Variants in CACHD1 observed in about 807,000 individuals in gnomAD.
CACHD1 encodes the protein cache domain containing 1, also known as VWFA and cache domain-containing protein 1.
Under a neutral mutation model 138.7 loss-of-function variants are expected in CACHD1, and 71 were observed. The observed-to-expected ratio is 0.51, with a 90% CI of 0.42 to 0.62. The LOEUF (loss-of-function observed/expected upper bound fraction) is 0.62, where lower values mean the gene tolerates loss of function less well. Ranked by LOEUF, CACHD1 falls within the 20% of genes least tolerant of loss-of-function variation. The probability of loss-of-function intolerance (pLI) is 0.00; values close to 1 mark genes in which losing one functional copy is unlikely to be tolerated. For missense variants in CACHD1, 1,389 were observed against 1,625.3 expected (o/e 0.85, Z 2.50); for synonymous variants, 578 against 591.5 (o/e 0.98, Z 0.33).
At chr1:64,484,510 G>T (rs1646230833) in intron 1 of CACHD1, among the ~76,000 whole-genome samples, 3 of 152,110 alleles carry the variant, frequency 2.0e-5, no homozygotes, top group Admixed American at 2.0e-4. Context: ...TCTTTTAGGC[G>T]TGGCCAAAAG....
At chr1:64,516,248 C>T (rs567129503) in intron 1 of CACHD1, among the ~76,000 whole-genome samples, 9 of 152,270 alleles carry the variant, frequency 5.9e-5, no homozygotes, top group African/African-American at 1.7e-4. Flanking sequence ...AATCAATTAT[C>T]GCTATCTCTC....
At position 64,475,171 on chromosome 1, in the gene CACHD1, C is replaced by CTTTTTTT. The variant is rs3078373; in HGVS notation, c.198+4242_198+4248dup. Among the ~76,000 whole-genome samples, 35 of 124,256 alleles carry CTTTTTTT rather than the reference C, an allele frequency of 2.8e-4. 2 individuals are homozygous for CTTTTTTT. Among genetic ancestry groups the CTTTTTTT allele is most frequent in the Admixed American group, 3.8e-4 (4 of 10,498 alleles). The allele number at this position is 124,256 out of a possible 152,430, so 81.5% of individuals were successfully genotyped here. ...AAACAACAATGCACTAAATTCCTTCCTTTTTTTTTTTTTTTTTTTCTTAAG... is the reference window on the plus strand; with the variant it reads ...AAACAACAATGCACTAAATTCCTTCCTTTTTTTTTTTTTTTTTTTTTTTTTTCTTAAG... On this transcript the variant is annotated intron_variant, in intron 1 of 26. Transcript: ENST00000651257.
rs1397276968 is a variant in CACHD1 at position 64,664,635 on chromosome 1, T to G, written c.2232T>G (p.Pro744=). Residue 744 remains proline (P), a synonymous_variant, in exon 15 of 27, where the codon CCT becomes CCG. Coordinates refer to ENST00000651257, the MANE Select transcript of CACHD1 (RefSeq NM_020925.4). The part of the protein sequence containing the change: ...ATPNGVLRIY[P]GSLMDKAFDP... ...CCAATGGCGTCCTCAGAATTTATCC[T>G]GGTTCCCTCATGGACAAAGCATTTG... 1.2e-6 allele frequency: 2 copies of G among 1,614,108 alleles called. No individual in the cohort carries two copies. The highest frequency in any genetic ancestry group is 2.2e-5 in the South Asian group (2 of 91,090).
chr1:64,607,422 G>C (rs1299274546), intron 4 of CACHD1, among the ~76,000 whole-genome samples: 1 of 152,198 alleles, frequency 6.6e-6, no homozygotes, highest in East Asian at 1.9e-4. Context: ...TGGTAGAATA[G>C]TAGCATAGGC....
At chr1:64,691,184 T>C (rs1422070603) in intron 26 of CACHD1, 139 bp from the exon 27 acceptor site, 2 of 714,864 alleles carry the variant, frequency 2.8e-6, no homozygotes, top group Non-Finnish European at 4.9e-6. Context: ...TACTTTAGCA[T>C]CTGCTGACAG....
intron 1 of CACHD1, among the ~76,000 whole-genome samples, chr1:64,549,397 A>G (rs1175992505): frequency 6.6e-6 from 1 of 152,194 alleles, no homozygotes; most frequent in Non-Finnish European, 1.5e-5. Context: ...AATGAGTGAC[A>G]CATTGGAGAA....
rs76955626 is a variant in CACHD1 at position 64,578,503 on chromosome 1, C to A, written c.262-3653C>A. Among the ~76,000 whole-genome samples, 26 of 152,290 alleles carry A rather than the reference C, an allele frequency of 1.7e-4. No individual in the cohort carries two copies. The East Asian group carries it at 5.0e-3, about 29-fold the overall frequency. On this transcript the variant is annotated intron_variant, in intron 2 of 26. Transcript: ENST00000651257. ...AGTTTTCTGTTGTTGCATAACAAAC[C>A]ACCCAAAACTTAGTGGCATAAACAA...
intron 26 of CACHD1, among the ~76,000 whole-genome samples, chr1:64,683,147 C>T (rs1054563446): frequency 2.0e-5 from 3 of 152,158 alleles, no homozygotes; most frequent in Non-Finnish European, 4.4e-5. Flanking sequence ...CTTCAAACTC[C>T]CTTTGGCAAA....
At chr1:64,619,053 A>T (rs1647816582) in intron 4 of CACHD1, among the ~76,000 whole-genome samples, 1 of 152,104 alleles carries the variant, frequency 6.6e-6, no homozygotes, top group South Asian at 2.1e-4. Context: ...CCCATAGATG[A>T]GGTGGTTTAA....
chr1:64,486,048 TAA>T (rs149009183), intron 1 of CACHD1, among the ~76,000 whole-genome samples: 153 of 152,296 alleles, frequency 1.0e-3, no homozygotes, highest in African/African-American at 3.4e-3. Flanking sequence ...CATTTTAATA[TAA>T]GTCATTGTAA....
intron 7 of CACHD1, among the ~76,000 whole-genome samples, chr1:64,637,391 C>T (rs1378844078): frequency 6.6e-6 from 1 of 152,144 alleles, no homozygotes. Flanking sequence ...AATGTCTGCC[C>T]AGTGCTGCCA....
At chr1:64,591,353 G>C (rs561745306) in intron 3 of CACHD1, among the ~76,000 whole-genome samples, 2 of 152,326 alleles carry the variant, frequency 1.3e-5, no homozygotes, top group Non-Finnish European at 1.5e-5. Flanking sequence ...AACCCCAAGC[G>C]TAGAAATGAC....
At chr1:64,506,730 C>T (rs957250502) in intron 1 of CACHD1, among the ~76,000 whole-genome samples, 2 of 152,148 alleles carry the variant, frequency 1.3e-5, no homozygotes, top group Non-Finnish European at 2.9e-5. Flanking sequence ...TTTGTTCTTG[C>T]CCGTTACTTA....
At position 64,551,220 on chromosome 1, in the gene CACHD1, CT is replaced by C. The variant is rs1422543193; in HGVS notation, c.261+575del. 8.6e-3 allele frequency among the ~76,000 whole-genome samples: 1,255 copies of C among 145,384 alleles called. 18 individuals carry two copies. The highest frequency in any genetic ancestry group is 0.029 in the African/African-American group (1,156 of 40,026). The stretch of plus-strand genomic sequence containing the variant: ...TTTTGTTCTTTTCTTTTTCTTTCCT[CT>C]TTTTTTTTTTCCTTTGCTTCTCCCC... On this transcript the variant is annotated intron_variant, in intron 2 of 26. Transcript: ENST00000651257.
intron 7 of CACHD1, among the ~76,000 whole-genome samples, 197 bp downstream of exon 7, chr1:64,634,457 C>T (rs1433413625): frequency 1.3e-5 from 2 of 151,898 alleles, no homozygotes; most frequent in South Asian, 2.1e-4. Flanking sequence ...GATCATGGCT[C>T]ACTCCAGCCT....
In CACHD1 at chr1:64,647,820, A is replaced by G. The variant is rs141993788; in HGVS notation, c.1176A>G (p.Lys392=). Residue 392 remains lysine, a synonymous_variant, in exon 9 of 27, where the codon AAA becomes AAG. Transcript: ENST00000651257. The part of the protein sequence containing the change: ...ALMNDGVTGL[K]ELAFLRDLAE... ...TTTTAGATGGGGTGACTGGTTTGAA[A>G]GAGCTGGCTTTTCTGAGGGATCTAG... 423 of 1,614,072 alleles carry G rather than the reference A, an allele frequency of 2.6e-4. No individual in the cohort carries two copies. The highest frequency in any genetic ancestry group is 3.4e-4 in the Non-Finnish European group (399 of 1,180,034).
intron 3 of CACHD1, among the ~76,000 whole-genome samples, chr1:64,582,856 T>G (rs1051693939): frequency 6.6e-6 from 1 of 152,148 alleles, no homozygotes; most frequent in Non-Finnish European, 1.5e-5. Context: ...GAAATTGTAG[T>G]GGAAAGAACA....
chr1:64,558,159 G>A (rs755369286), intron 2 of CACHD1, among the ~76,000 whole-genome samples: 5 of 152,152 alleles, frequency 3.3e-5, no homozygotes, highest in Non-Finnish European at 7.3e-5. Context: ...CTCTCTTTAA[G>A]ATCACCAAGG....
chr1:64,687,530 G>A (rs1650407247), intron 26 of CACHD1, among the ~76,000 whole-genome samples: 1 of 152,154 alleles, frequency 6.6e-6, no homozygotes, highest in African/African-American at 2.4e-5. Flanking sequence ...GTGCCATCCT[G>A]AGATGAAGAG....
Sources: gnomAD v4.1 joint callset for allele counts (sites outside exome capture counted in the v4.1 genomes callset) on GRCh38, gnomAD v4.1.1 for gene constraint, MANE v1.5 for transcripts, NCBI Gene and HGNC (gene_info 2026-07-23, HGNC 2026-07-21) for gene names.